Variants in YWHAE observed in about 807,000 individuals in gnomAD.
The protein encoded by YWHAE is 14-3-3 protein epsilon.
In YWHAE, 4 loss-of-function variants were observed where a neutral mutation model predicts 30.1. The observed-to-expected ratio is 0.13, with a 90% CI of 0.07 to 0.30. The LOEUF (loss-of-function observed/expected upper bound fraction) is 0.30, where lower values mean the gene tolerates loss of function less well. YWHAE is among the 10% of genes least tolerant of loss of function. The pLI, the probability that YWHAE is intolerant of heterozygous loss-of-function variation, is 1.00. For synonymous variants in YWHAE, 118 were observed against 111.8 expected (o/e 1.06, Z -0.35); for missense variants, 121 against 315.9 (o/e 0.38, Z 4.68).
rs35058521 is a variant in YWHAE, at chr17:1,365,150, GA to G, written c.65-93del. 252,794 of 1,276,902 alleles carry G rather than the reference GA, an allele frequency of 0.2. 28,844 individuals are homozygous for G. Among genetic ancestry groups the G allele is most frequent in the African/African-American group, 0.39 (25,818 of 65,726 alleles). 79.1% of individuals were successfully genotyped at this position (1,276,902 alleles called of 1,614,324 possible). A position where few individuals can be genotyped will look rare whatever the true frequency, so the allele number is the denominator to read the frequency against. On this transcript the variant is annotated intron_variant, in intron 1 of 5. Coordinates refer to ENST00000264335, the MANE Select transcript of YWHAE (RefSeq NM_006761.5). ...TAGTTTTTTTCTGTCAAGCTACTGCGAAAAAAACATTTTAACAAAAATAATT... is the reference window on the plus strand; with the variant it reads ...TAGTTTTTTTCTGTCAAGCTACTGCGAAAAAACATTTTAACAAAAATAATT...
At chr17:1,387,436 G>GGAATTA (rs1191872215) in intron 1 of YWHAE, among the ~76,000 whole-genome samples, 1 of 152,122 alleles carries the variant, frequency 6.6e-6, no homozygotes, top group Non-Finnish European at 1.5e-5. Flanking sequence ...CAGTTTTTAT[G>GGAATTA]GAATTAGAAA....
At chr17:1,393,083 CTG>C (rs1327178547) in intron 1 of YWHAE, among the ~76,000 whole-genome samples, 2 of 151,502 alleles carry the variant, frequency 1.3e-5, no homozygotes, top group East Asian at 3.9e-4. Flanking sequence ...GATCGCGCCA[CTG>C]TACTCCAGCA....
At chr17:1,397,838 C>G (rs2073497685) in intron 1 of YWHAE, among the ~76,000 whole-genome samples, 1 of 152,154 alleles carries the variant, frequency 6.6e-6, no homozygotes, top group Admixed American at 6.5e-5. Flanking sequence ...TGCCCCAAGT[C>G]ACAGCAATAG....
chr17:1,370,170 A>G (rs1158847664), intron 1 of YWHAE, among the ~76,000 whole-genome samples: 43 of 119,932 alleles, frequency 3.6e-4, no homozygotes, highest in South Asian at 8.1e-4. Flanking sequence ...CTCTGTCACC[A>G]GGCTGGAGTG....
At chr17:1,381,084 T>C (rs2073198813) in intron 1 of YWHAE, among the ~76,000 whole-genome samples, 2 of 152,292 alleles carry the variant, frequency 1.3e-5, no homozygotes, top group South Asian at 4.2e-4. Flanking sequence ...GAAATACATA[T>C]TGATTAAATG....
intron 4 of YWHAE, among the ~76,000 whole-genome samples, chr17:1,355,148 A>ATTTTT (rs1271496520): frequency 2.6e-5 from 2 of 76,832 alleles, no homozygotes; most frequent in Admixed American, 1.8e-4. Context: ...AAAAAAAAAA[A>ATTTTT]TTTTTTTTTT....
At chr17:1,387,938 T>TTG (rs1159459710) in intron 1 of YWHAE, among the ~76,000 whole-genome samples, 1 of 140,694 alleles carries the variant, frequency 7.1e-6, no homozygotes, top group African/African-American at 2.7e-5. Context: ...TTTTTTTTTT[T>TTG]TTTTTTTGAC....
chr17:1,352,163 C>T (rs2072645681), intron 5 of YWHAE: 1 of 152,220 alleles, frequency 6.6e-6, no homozygotes, highest in Admixed American at 6.6e-5. Context: ...GAGTAGCTGC[C>T]TGAAATGCTG....
intron 1 of YWHAE, among the ~76,000 whole-genome samples, chr17:1,390,806 A>C (rs1016391837): frequency 6.6e-6 from 1 of 152,186 alleles, no homozygotes; most frequent in African/African-American, 2.4e-5. Flanking sequence ...AAGCCCACCA[A>C]CAACAGATCC....
At chr17:1,372,102 C>T (rs576407823) in intron 1 of YWHAE, among the ~76,000 whole-genome samples, 15 of 152,066 alleles carry the variant, frequency 9.9e-5, no homozygotes, top group Admixed American at 5.2e-4. Flanking sequence ...CCCCCCAAAG[C>T]GCTGGGATTA....
Position 1,344,418 on chromosome 17 carries a change from GCAAA to G in YWHAE, c.*1025_*1028del. On this transcript the variant is annotated 3_prime_UTR_variant, in exon 6 of 6. Transcript: ENST00000264335. ...TTTCCAAAACATACATCTTTGGGAA[GCAAA>G]CAAATTATTTATGGAAGAAAAAAGG... 1 of 178,528 alleles carries G rather than the reference GCAAA, an allele frequency of 5.6e-6. No individual in the cohort carries two copies. The highest frequency in any genetic ancestry group is 1.2e-5 in the Non-Finnish European group (1 of 83,230). 11.1% of individuals were successfully genotyped at this position (178,528 alleles called of 1,614,324 possible).
intron 5 of YWHAE, chr17:1,352,188 C>G (rs1256812084): frequency 6.6e-6 from 1 of 152,164 alleles, no homozygotes; most frequent in East Asian, 1.9e-4. Context: ...GGGAAGTGTT[C>G]TGTGGCTCCA....
chr17:1,371,839 C>CTTT lies in YWHAE; in HGVS notation c.65-6784_65-6782dup, dbSNP rs368590864. ...TCAGCACATGCTACTTGACCCTGTA[C>CTTT]TTTTTTTTTTTTTTTTTGAGACAGA... On this transcript the variant is annotated intron_variant, in intron 1 of 5. Coordinates refer to ENST00000264335, the MANE Select transcript of YWHAE (RefSeq NM_006761.5). 4.8e-3 allele frequency among the ~76,000 whole-genome samples: 670 copies of CTTT among 138,524 alleles called. 13 individuals are homozygous for CTTT. Among genetic ancestry groups the CTTT allele is most frequent in the African/African-American group, 0.014 (535 of 37,296 alleles). The allele number at this position is 138,524 out of a possible 152,430, so 90.9% of individuals were successfully genotyped here.
chr17:1,387,350 T>C (rs2073314609), intron 1 of YWHAE, among the ~76,000 whole-genome samples: 1 of 151,950 alleles, frequency 6.6e-6, no homozygotes, highest in Non-Finnish European at 1.5e-5. Flanking sequence ...AGGTGGAAAA[T>C]AAGAGGCTGG....
At chr17:1,361,339 A>C in intron 3 of YWHAE, 41 bp from the exon 4 acceptor site, 1 of 1,477,192 alleles carries the variant, frequency 6.8e-7, no homozygotes, top group Non-Finnish European at 9.2e-7. Flanking sequence ...AAAAATTTAA[A>C]CTAGGAACGA....
Position 1,354,433 on chromosome 17 carries a change from A to G in YWHAE, c.579-86T>C. The G allele has an allele frequency of 4.5e-6, 6 of 1,324,444 alleles. No individual in the cohort carries two copies. The South Asian group carries it at 8.3e-5, about 18-fold the overall frequency. 82.0% of individuals were successfully genotyped at this position (1,324,444 alleles called of 1,614,324 possible). On this transcript the variant is annotated intron_variant, in intron 4 of 5. Coordinates refer to ENST00000264335, the MANE Select transcript of YWHAE (RefSeq NM_006761.5). ...CATGCTAGACAGCAATCTTTTCTTC[A>G]GTTATTCCAGTTTGTAATAGTCACA...
At chr17:1,368,230 T>G (rs115642553) in intron 1 of YWHAE, among the ~76,000 whole-genome samples, 1 of 151,824 alleles carries the variant, frequency 6.6e-6, no homozygotes, top group South Asian at 2.1e-4. Flanking sequence ...ACAAAAAAAT[T>G]TGCCAGACGT....
At chr17:1,373,989 C>T (rs2073085695) in intron 1 of YWHAE, among the ~76,000 whole-genome samples, 1 of 152,088 alleles carries the variant, frequency 6.6e-6, no homozygotes, top group Non-Finnish European at 1.5e-5. Flanking sequence ...TGCATCAGTA[C>T]TTCACCTACT....
chr17:1,388,220 C>T (rs775710772), intron 1 of YWHAE, among the ~76,000 whole-genome samples: 2 of 143,674 alleles, frequency 1.4e-5, no homozygotes, highest in Non-Finnish European at 3.0e-5. Flanking sequence ...CTCGGCCTCC[C>T]AAAGTGCTAG....
Sources: allele counts gnomAD v4.1 joint callset (sites outside exome capture counted in the v4.1 genomes callset), GRCh38; gene constraint gnomAD v4.1.1; transcripts MANE v1.5; gene names NCBI Gene and HGNC (gene_info 2026-07-23, HGNC 2026-07-21).